PEX5: variants seen among roughly 807,000 people sequenced by gnomAD.
PEX5 encodes PTS1 receptor.
Under a neutral mutation model 82.9 loss-of-function variants are expected in PEX5, and 52 were observed. The ratio of observed to expected loss-of-function variants is 0.63; its 90% CI spans 0.50 to 0.79. PEX5 has a LOEUF of 0.79. Among genes scored for constraint, PEX5 ranks in the 30% least tolerant of loss-of-function variants. The pLI, the probability that PEX5 is intolerant of heterozygous loss-of-function variation, is 0.00. For synonymous variants in PEX5, 300 were observed against 318.8 expected, an observed-to-expected ratio of 0.94 and a Z score of 0.63; for missense variants, 719 against 815.2, an observed-to-expected ratio of 0.88 and a Z score of 1.44.
intron 12 of PEX5, 116 bp downstream of exon 12, chr12:7,208,196 T>C (rs1945061250): frequency 2.4e-6 from 2 of 829,312 alleles, no homozygotes; most frequent in South Asian, 2.8e-5. Flanking sequence ...TCAAGAGTGT[T>C]TTCTCATGCT....
chr12:7,210,307 A>T lies in PEX5; in HGVS notation c.*84A>T. On this transcript the variant is annotated 3_prime_UTR_variant, in exon 16 of 16. Coordinates refer to ENST00000675855, the MANE Select transcript of PEX5 (RefSeq NM_001351132.2). The stretch of plus-strand genomic sequence containing the variant: ...TTCCCTCTCCCCAAATGGGCCTACC[A>T]AGGGGGCGGGCTGATGACCATAAGC... 1 of 1,340,752 alleles carries T rather than the reference A, an allele frequency of 7.5e-7. No individual in the cohort carries two copies. The allele number at this position is 1,340,752 out of a possible 1,614,324, so 83.1% of individuals were successfully genotyped here.
Position 7,202,273 on chromosome 12 carries a change from G to A in PEX5, c.675G>A (p.Gly225=). The A allele has an allele frequency of 1.9e-6, 3 of 1,614,150 alleles. No homozygotes were observed. The highest frequency in any genetic ancestry group is 2.5e-6 in the Non-Finnish European group (3 of 1,180,030). ...AATTCGTGCGGCAGATTGGCGAAGG[G>A]CAGGTGTCCCTGGAGTCCGGTGCAG... ...FLKFVRQIGE[G]QVSLESGAGS... Residue 225 remains glycine, a synonymous_variant, in exon 8 of 16, where the codon GGG becomes GGA. Transcript: ENST00000675855.
Position 7,202,526 on chromosome 12 carries a change from G to A in PEX5, c.754-86G>A. On this transcript the variant is annotated intron_variant, in intron 8 of 15. Transcript: ENST00000675855. ...GAATGATTTTCTCAGAAGTACCCAG[G>A]TTGGTGGTGGTTAGTGGGTATTTAG... 5.7e-6 allele frequency: 8 copies of A among 1,393,724 alleles called. No individual in the cohort carries two copies. The South Asian group carries it at 8.1e-5, about 14-fold the overall frequency. 86.3% of individuals were successfully genotyped at this position (1,393,724 alleles called of 1,614,324 possible).
At chr12:7,204,703 A>C (rs1347782014) in intron 10 of PEX5, among the ~76,000 whole-genome samples, 3 of 152,240 alleles carry the variant, frequency 2.0e-5, no homozygotes, top group Non-Finnish European at 4.4e-5. Flanking sequence ...GGAAAGTTGT[A>C]CATTTATGTA....
At chr12:7,204,976 CAA>C (rs1944581753) in intron 10 of PEX5, among the ~76,000 whole-genome samples, 1 of 152,016 alleles carries the variant, frequency 6.6e-6, no homozygotes, top group Non-Finnish European at 1.5e-5. Context: ...TATCCATGTG[CAA>C]AAGAGTGAAA....
intron 6 of PEX5, among the ~76,000 whole-genome samples, chr12:7,201,024 A>T (rs1458937724): frequency 6.6e-6 from 1 of 152,106 alleles, no homozygotes; most frequent in East Asian, 1.9e-4. Context: ...GTGTGCCTGT[A>T]CTCAGGAAGC....
intron 5 of PEX5, among the ~76,000 whole-genome samples, chr12:7,197,812 C>T (rs953432009): frequency 6.6e-6 from 1 of 152,068 alleles, no homozygotes; most frequent in East Asian, 1.9e-4. Context: ...ACACCCCTGC[C>T]CAAATGTCCC....
At chr12:7,197,856 A>G (rs1565690832) in intron 5 of PEX5, among the ~76,000 whole-genome samples, 1 of 152,172 alleles carries the variant, frequency 6.6e-6, no homozygotes, top group Non-Finnish European at 1.5e-5. Context: ...TAGGTTCTCA[A>G]CAAGAGAGTG....
rs1279363474 is a variant in PEX5, at chr12:7,209,723, A to G, written c.1601A>G (p.Asn534Ser). 1.2e-6 allele frequency: 2 copies of G among 1,613,588 alleles called. No homozygotes were observed. The highest frequency in any genetic ancestry group is 2.2e-5 in the East Asian group (1 of 44,860). Residue 534 changes from asparagine to serine, a missense_variant, in exon 15 of 16, where the codon AAT becomes AGT. Coordinates refer to ENST00000675855, the MANE Select transcript of PEX5 (RefSeq NM_001351132.2). Reference sequence around the variant, plus strand: ...AATAAGCTAGGCGCCACCCTGGCCAATGGAAACCAGAGTGAAGAAGCAGTA... The same window carrying G: ...AATAAGCTAGGCGCCACCCTGGCCAGTGGAAACCAGAGTGAAGAAGCAGTA... ...LWNKLGATLA[N>S]GNQSEEAVAA...
exon 18 of PEX5, chr12:7,218,485 C>T (rs1945842704): frequency 6.6e-6 from 1 of 152,166 alleles, no homozygotes. Context: ...GGATTCTCTA[C>T]CTACCATCTT....
intron 1 of PEX5, 153 bp downstream of exon 1, chr12:7,189,903 G>C: frequency 1.4e-6 from 2 of 1,423,204 alleles, no homozygotes; most frequent in Non-Finnish European, 1.8e-6. Context: ...GCCGAGCCGG[G>C]GGAAGGGCTC....
Position 7,206,029 on chromosome 12 carries a change from T to G in PEX5, c.967-1630T>G, listed in dbSNP as rs1327967756. Among the ~76,000 whole-genome samples, 2 of 152,242 alleles carry G rather than the reference T, an allele frequency of 1.3e-5. 1 individual carries two copies. Among genetic ancestry groups the G allele is most frequent in the Non-Finnish European group, 2.9e-5 (2 of 68,048 alleles). ...CTCTGAGAGGCAGGAATTACTTTTATTAGGAAACTGCATTATAGATGACAG... is the reference window on the plus strand; with the variant it reads ...CTCTGAGAGGCAGGAATTACTTTTAGTAGGAAACTGCATTATAGATGACAG... On this transcript the variant is annotated intron_variant, in intron 10 of 15. Transcript: ENST00000675855.
Position 7,210,640 on chromosome 12 carries a change from G to A in PEX5, c.*417G>A, listed in dbSNP as rs1945454628. Reference sequence around the variant, plus strand: ...AGTCCAGCTTCCTTGGGCAGTGTAAGTAGGAGGTTCATCTGCTGTGCGCCT... The same window carrying A: ...AGTCCAGCTTCCTTGGGCAGTGTAAATAGGAGGTTCATCTGCTGTGCGCCT... On this transcript the variant is annotated 3_prime_UTR_variant, in exon 16 of 16. Transcript: ENST00000675855. 1 of 327,086 alleles carries A rather than the reference G, an allele frequency of 3.1e-6. No individual in the cohort carries two copies. The highest frequency in any genetic ancestry group is 5.9e-6 in the Non-Finnish European group (1 of 168,368). 20.3% of individuals were successfully genotyped at this position (327,086 alleles called of 1,614,324 possible). A position where few individuals can be genotyped will look rare whatever the true frequency, so the allele number is the denominator to read the frequency against.
In PEX5 at chr12:7,190,437, C is replaced by T. The variant is rs1940811522; in HGVS notation, c.60C>T (p.Leu20=). 1 of 1,614,068 alleles carries T rather than the reference C, an allele frequency of 6.2e-7. No individual in the cohort carries two copies. The highest frequency in any genetic ancestry group is 8.5e-7 in the Non-Finnish European group (1 of 1,180,052). Residue 20 remains leucine (L), a synonymous_variant, in exon 2 of 16, where the codon CTC becomes CTT. Transcript: ENST00000675855. The part of the protein sequence containing the change: ...ECGGANPLMK[L]AGHFTQDKAL... ...GGGGTGCCAACCCGCTCATGAAGCT[C>T]GCCGGGCACTTCACCCAGGACAAGG...
At chr12:7,203,081 C>G (rs764302293) in intron 9 of PEX5, among the ~76,000 whole-genome samples, 7 of 152,118 alleles carry the variant, frequency 4.6e-5, no homozygotes, top group Admixed American at 2.6e-4. Flanking sequence ...ATGTTTGAAA[C>G]TGGGAGGTGG....
chr12:7,200,855 G>A (rs149559694), intron 6 of PEX5, among the ~76,000 whole-genome samples: 2,942 of 152,240 alleles, frequency 0.019, 89 homozygotes, highest in African/African-American at 0.066. Context: ...GTCCAGCTTC[G>A]GCTCGGCATC....
intron 10 of PEX5, among the ~76,000 whole-genome samples, 159 bp from the exon 11 acceptor site, chr12:7,207,500 G>C (rs1162134272): frequency 6.6e-6 from 1 of 152,142 alleles, no homozygotes; most frequent in Non-Finnish European, 1.5e-5. Flanking sequence ...TTTTACTTGT[G>C]TCATACATGA....
At chr12:7,218,171 A>G (rs1429522935) in intron 17 of PEX5, among the ~76,000 whole-genome samples, 2 of 152,212 alleles carry the variant, frequency 1.3e-5, no homozygotes, top group Non-Finnish European at 2.9e-5. Flanking sequence ...GACGATTATT[A>G]TGATAGTGAC....
downstream of PEX5, among the ~76,000 whole-genome samples, chr12:7,213,865 C>A (rs1444557058): frequency 5.3e-5 from 8 of 151,252 alleles, no homozygotes; most frequent in Non-Finnish European, 1.0e-4. Context: ...ACAATGAACT[C>A]AAACAAATTT....
Sources: gnomAD v4.1 joint callset for allele counts (sites outside exome capture counted in the v4.1 genomes callset) on GRCh38, gnomAD v4.1.1 for gene constraint, MANE v1.5 for transcripts, NCBI Gene and HGNC (gene_info 2026-07-23, HGNC 2026-07-21) for gene names.